Variants in NAV3 observed in about 807,000 individuals in gnomAD.
NAV3 encodes the protein neuron navigator 3, also known as pore membrane and/or filament interacting like protein 1.
Under a neutral mutation model 244.7 loss-of-function variants are expected in NAV3, and 87 were observed. The observed-to-expected ratio is 0.36, with a 90% CI of 0.30 to 0.42. NAV3 has a LOEUF of 0.42. NAV3 is among the 20% of genes least tolerant of loss of function. NAV3 has a pLI of 1.00. For missense variants in NAV3, 2,663 were observed against 2,893.3 expected (o/e 0.92, Z 1.83); for synonymous variants, 1,126 against 1,042.2 (o/e 1.08, Z -1.55).
At position 78,046,550 on chromosome 12, in the gene NAV3, T is replaced by A. The variant is rs117576184; in HGVS notation, c.2024-3443T>A. On this transcript the variant is annotated intron_variant, in intron 9 of 39. Coordinates refer to ENST00000397909, the MANE Select transcript of NAV3 (RefSeq NM_001024383.2). ...ATGTAGTTGTGAAGTTTTAAGTCAGTTTCTTAACCCTAAGTTCTAATTTGA... is the reference window on the plus strand; with the variant it reads ...ATGTAGTTGTGAAGTTTTAAGTCAGATTCTTAACCCTAAGTTCTAATTTGA... 3.4e-3 allele frequency among the ~76,000 whole-genome samples: 524 copies of A among 152,328 alleles called. 2 individuals carry two copies. The highest frequency in any genetic ancestry group is 5.9e-3 in the Admixed American group (90 of 15,294).
intron 12 of NAV3, among the ~76,000 whole-genome samples, chr12:78,071,270 C>T (rs1232884170): frequency 6.6e-6 from 1 of 152,084 alleles, no homozygotes; most frequent in African/African-American, 2.4e-5. Flanking sequence ...TGGTATCTCA[C>T]TGTGGTTTTG....
At chr12:77,987,347 C>A (rs1037932355) in intron 5 of NAV3, among the ~76,000 whole-genome samples, 2 of 152,116 alleles carry the variant, frequency 1.3e-5, no homozygotes, top group Admixed American at 6.6e-5. Flanking sequence ...GTATAAAATG[C>A]ACATGAGTTA....
At position 77,650,295 on chromosome 12, in the gene NAV3, G is replaced by A. The variant is rs1324125434; in HGVS notation, c.72+78029G>A. Among the ~76,000 whole-genome samples, 6 of 152,216 alleles carry A rather than the reference G, an allele frequency of 3.9e-5. No homozygotes were observed. In the South Asian group the frequency reaches 1.2e-3, roughly 32 times the overall value. Reference sequence around the variant, plus strand: ...TGGGATGTTTTTGAGAGGTGCAATCGGGGAAGTTAACCCTCTACTGTGGAG... The same window carrying A: ...TGGGATGTTTTTGAGAGGTGCAATCAGGGAAGTTAACCCTCTACTGTGGAG... On this transcript the variant is annotated intron_variant, in intron 2 of 8. Transcript: ENST00000550042.
At chr12:78,192,952 G>T (rs1470080069) in intron 34 of NAV3, among the ~76,000 whole-genome samples, 6 of 152,048 alleles carry the variant, frequency 3.9e-5, no homozygotes, top group Admixed American at 2.6e-4. Context: ...TATAAAAAAA[G>T]AGGGGATGAC....
At chr12:78,036,719 A>G (rs1593345772) in intron 9 of NAV3, 24 of 582,628 alleles carry the variant, frequency 4.1e-5, no homozygotes, top group Middle Eastern at 4.5e-4. Context: ...TATATATACT[A>G]TATCTCTAGA....
At chr12:77,741,488 C>T (rs1479599656) in intron 2 of NAV3, among the ~76,000 whole-genome samples, 1 of 152,058 alleles carries the variant, frequency 6.6e-6, no homozygotes, top group Non-Finnish European at 1.5e-5. Flanking sequence ...ATCTTGACAA[C>T]AGTTAGACCA....
intron 1 of NAV3, among the ~76,000 whole-genome samples, chr12:77,916,312 G>C (rs1887138422): frequency 6.6e-6 from 1 of 151,942 alleles, no homozygotes; most frequent in South Asian, 2.1e-4. Flanking sequence ...TTTCAGAGAG[G>C]AGGAAAGAAT....
At chr12:77,784,758 A>G (rs1870827231) in intron 2 of NAV3, among the ~76,000 whole-genome samples, 1 of 152,162 alleles carries the variant, frequency 6.6e-6, no homozygotes, top group Admixed American at 6.5e-5. Context: ...CAAAACCAGG[A>G]CAATACATCT....
intron 2 of NAV3, chr12:77,783,645 A>G (rs1383149472): frequency 6.6e-6 from 1 of 152,250 alleles, no homozygotes; most frequent in Non-Finnish European, 1.5e-5. Flanking sequence ...GGAACGTTTA[A>G]TCTGGGTCAC....
intron 8 of NAV3, among the ~76,000 whole-genome samples, chr12:78,017,814 C>A (rs1054803684): frequency 6.6e-6 from 1 of 152,042 alleles, no homozygotes; most frequent in Non-Finnish European, 1.5e-5. Flanking sequence ...GTATGTTGTG[C>A]GTCTTCAGAG....
intron 2 of NAV3, among the ~76,000 whole-genome samples, chr12:77,648,083 G>T (rs1283045334): frequency 6.6e-6 from 1 of 152,010 alleles, no homozygotes; most frequent in Non-Finnish European, 1.5e-5. Flanking sequence ...ATTTTGGTCT[G>T]TTTGAAAAAT....
intron 2 of NAV3, among the ~76,000 whole-genome samples, chr12:77,666,071 G>A (rs902554395): frequency 1.3e-5 from 2 of 151,410 alleles, no homozygotes; most frequent in African/African-American, 2.4e-5. Context: ...TAATTTATAT[G>A]TAAAATTTCT....
intron 2 of NAV3, among the ~76,000 whole-genome samples, chr12:77,679,258 G>A (rs1245886547): frequency 1.3e-5 from 2 of 152,090 alleles, no homozygotes; most frequent in Non-Finnish European, 2.9e-5. Context: ...CTCTACTAGG[G>A]CACTAACAGG....
upstream of NAV3, among the ~76,000 whole-genome samples, chr12:77,825,973 G>A (rs1217624542): frequency 6.6e-6 from 1 of 152,042 alleles, no homozygotes; most frequent in African/African-American, 2.4e-5. Flanking sequence ...AATTAAAACT[G>A]CAATGATACA....
At chr12:78,042,737 C>T (rs1332184892) in intron 9 of NAV3, among the ~76,000 whole-genome samples, 3 of 152,084 alleles carry the variant, frequency 2.0e-5, no homozygotes, top group Admixed American at 6.5e-5. Flanking sequence ...TGCAGTGATC[C>T]AAGATGGTGC....
chr12:77,717,970 A>G (rs2137279983), intron 2 of NAV3, among the ~76,000 whole-genome samples: 1 of 152,188 alleles, frequency 6.6e-6, no homozygotes. Flanking sequence ...TATATTTTTG[A>G]TATTAACCCT....
intron 12 of NAV3, among the ~76,000 whole-genome samples, chr12:78,092,549 T>C (rs1018605871): frequency 7.0e-6 from 1 of 142,858 alleles, no homozygotes; most frequent in Non-Finnish European, 1.5e-5. Flanking sequence ...GCCCAGGCTG[T>C]AGTGCAGTGG....
intron 2 of NAV3, among the ~76,000 whole-genome samples, chr12:77,589,174 G>T (rs1219087614): frequency 6.6e-6 from 1 of 152,108 alleles, no homozygotes; most frequent in Non-Finnish European, 1.5e-5. Context: ...TGAAATAATA[G>T]GAAAAACACT....
intron 2 of NAV3, among the ~76,000 whole-genome samples, chr12:77,748,127 A>G (rs992673051): frequency 1.3e-5 from 2 of 152,254 alleles, no homozygotes; most frequent in African/African-American, 4.8e-5. Context: ...AATGGTATAT[A>G]TGTGCTTCAT....
Sources: allele counts gnomAD v4.1 joint callset (sites outside exome capture counted in the v4.1 genomes callset), GRCh38; gene constraint gnomAD v4.1.1; transcripts MANE v1.5; gene names NCBI Gene and HGNC (gene_info 2026-07-23, HGNC 2026-07-21).